The following HERC2 variants were observed in gnomAD, a reference collection of about 807,000 sequenced individuals.
HERC2 encodes HECT and RLD domain containing E3 ubiquitin protein ligase 2.
A neutral mutation model predicts 537.7 loss-of-function variants in HERC2; 102 were observed. That is an observed-to-expected ratio of 0.19 (90% CI 0.16 to 0.22). The LOEUF is 0.22. Among genes scored for constraint, HERC2 ranks in the 10% least tolerant of loss-of-function variants. The probability of loss-of-function intolerance (pLI) is 1.00; values close to 1 mark genes in which losing one functional copy is unlikely to be tolerated. For missense variants in HERC2, 4,236 were observed against 6,198.2 expected (o/e 0.68, Z 10.63); for synonymous variants, 2,224 against 2,466.2 (o/e 0.90, Z 2.91).
chr15:28,127,373 C>T (rs1021291278), intron 83 of HERC2, among the ~76,000 whole-genome samples: 14 of 152,116 alleles, frequency 9.2e-5, no homozygotes, highest in South Asian at 2.1e-4. Context: ...TGGTTATGCA[C>T]GGGGGGAGTG....
chr15:28,280,310 A>T, intron 4 of HERC2, 23 bp from the exon 5 acceptor site: 1 of 1,571,924 alleles, frequency 6.4e-7, no homozygotes. Context: ...ACAAGAAAAC[A>T]TCTCACCTGT....
chr15:28,255,908 C>T lies in HERC2; in HGVS notation c.2835G>A (p.Glu945=), dbSNP rs367705049. The change falls in exon 19 of 93, where the codon GAG becomes GAA. Residue 945 remains glutamate, a synonymous_variant. Transcript: ENST00000261609. ...VGSLMADGGL[E]SALHAAITAE... is the part of the protein sequence containing the mutation. ...CAGTAATGGCTGCGTGTAAGGCTGA[C>T]TCCAACCCTCCATCAGCCATCAAGC... 2 of 1,602,472 alleles carry T rather than the reference C, an allele frequency of 1.2e-6. No individual in the cohort carries two copies. The highest frequency in any genetic ancestry group is 2.7e-5 in the African/African-American group (2 of 74,904).
Position 28,111,785 on chromosome 15 carries a change from T to C in HERC2, c.14483A>G (p.Gln4828Arg). The part of the protein sequence containing the change: ...DVDSFASDST[Q>R]DYLTGH Reference sequence around the variant, plus strand: ...ATCTTAGTGTCCTGTTAAATAATCTTGTGTAGAGTCCGAAGCAAAGGAGTC... The same window carrying C: ...ATCTTAGTGTCCTGTTAAATAATCTCGTGTAGAGTCCGAAGCAAAGGAGTC... Residue 4828 changes from glutamine (Q) to arginine (R), a missense_variant, in exon 93 of 93, where the codon CAA (glutamine) becomes CGA (arginine). Gln to Arg is a conservative substitution (Grantham distance 43). This residue lies in a region of HERC2 where 313 missense variants were observed against 462.6 expected (regional missense o/e 0.68). Coordinates refer to ENST00000261609, the MANE Select transcript of HERC2 (RefSeq NM_004667.6). The C allele has an allele frequency of 6.2e-6, 10 of 1,614,202 alleles. No homozygotes were observed. Among genetic ancestry groups the C allele is most frequent in the Non-Finnish European group, 8.5e-6 (10 of 1,180,034 alleles).
chr15:28,199,346 T>A (rs1246246426), intron 48 of HERC2, among the ~76,000 whole-genome samples: 1 of 152,114 alleles, frequency 6.6e-6, no homozygotes, highest in Non-Finnish European at 1.5e-5. Flanking sequence ...GATTCCCTGA[T>A]CATCAAAAAC....
Position 28,215,653 on chromosome 15 carries a change from C to A in HERC2, c.6178G>T (p.Ala2060Ser), listed in dbSNP as rs558450056. The A allele has an allele frequency of 6.2e-7, 1 of 1,611,148 alleles. No homozygotes were observed. The change falls in exon 39 of 93, where the codon GCA becomes TCA. Residue 2060 changes from alanine to serine, a missense_variant. By Grantham distance (99) the Ala-to-Ser change is moderately conservative (BLOSUM62 1). Around this residue, in one of 27 missense-constraint regions of HERC2, gnomAD observed 365 missense variants for 468.8 expected, o/e 0.78. Coordinates refer to ENST00000261609, the MANE Select transcript of HERC2 (RefSeq NM_004667.6). ...TLLMKVVEGHAPFTATSLQRQ... is the reference protein window; with the variant it reads ...TLLMKVVEGHSPFTATSLQRQ... ...TGCAGCGAGGTGGCAGTGAAGGGTG[C>A]GTGCCCTTCCACGACCTTCATGAGC... is the stretch of plus-strand genomic sequence containing the variant.
chr15:28,256,328 A>G lies in HERC2; in HGVS notation c.2518-11T>C. ...AATGGCAGCATGCAACTGAAAGGAG[A>G]AAAACAATTTTCACTTAGAACCCCT... On this transcript the variant is annotated splice_polypyrimidine_tract_variant and intron_variant, in intron 17 of 92. Transcript: ENST00000261609. 1 of 1,567,014 alleles carries G rather than the reference A, an allele frequency of 6.4e-7. No individual in the cohort carries two copies. The highest frequency in any genetic ancestry group is 8.6e-7 in the Non-Finnish European group (1 of 1,160,806).
intron 20 of HERC2, among the ~76,000 whole-genome samples, chr15:28,252,319 G>T (rs543040777): frequency 6.6e-6 from 1 of 152,026 alleles, no homozygotes; most frequent in African/African-American, 2.4e-5. Flanking sequence ...AGGAGACGGG[G>T]AAAACGGGCA....
rs1289422740 is a variant in HERC2 at position 28,198,406 on chromosome 15, C to G, written c.7983G>C (p.Val2661=). 3 of 1,612,804 alleles carry G rather than the reference C, an allele frequency of 1.9e-6. No homozygotes were observed. The highest frequency in any genetic ancestry group is 2.5e-6 in the Non-Finnish European group (3 of 1,179,936). ...TCACAACCCCCACACTCTGATGAGT[C>G]ACAGATCCCCATTTGTATTTTGGTG... ...VTTPKYKWGS[V]THQSVGVVKA... is the part of the protein sequence containing the mutation. Residue 2661 remains valine (V), a synonymous_variant, in exon 50 of 93, where the codon GTG becomes GTC. Transcript: ENST00000261609.
chr15:28,175,026 C>T (rs1895123043), intron 64 of HERC2, among the ~76,000 whole-genome samples: 1 of 152,040 alleles, frequency 6.6e-6, no homozygotes, highest in African/African-American at 2.4e-5. Flanking sequence ...AAAATTCATT[C>T]TGACTAAAAT....
At chr15:28,229,907 T>A (rs996680191) in intron 31 of HERC2, 60 bp from the exon 32 acceptor site, 1 of 828,014 alleles carries the variant, frequency 1.2e-6, no homozygotes, top group African/African-American at 1.7e-5. Flanking sequence ...AACTGTGCTC[T>A]AAAAGTTATT....
intron 5 of HERC2, among the ~76,000 whole-genome samples, chr15:28,279,457 G>A (rs760986537): frequency 6.6e-6 from 1 of 152,144 alleles, no homozygotes; most frequent in Non-Finnish European, 1.5e-5. Context: ...TTATACTTGA[G>A]CTGATCTAAA....
rs771625587 is a variant in HERC2 at position 28,116,776 on chromosome 15, G to A, written c.13498C>T (p.Leu4500=). 1.2e-6 allele frequency: 2 copies of A among 1,614,062 alleles called. 1 individual carries two copies. The highest frequency in any genetic ancestry group is 2.2e-5 in the South Asian group (2 of 91,080). ...CEELQNGLTP[L]LIVTPNGRDE... is the part of the protein sequence containing the mutation. ...CTCCCGTTGGGTGTCACGATCAGCA[G>A]GGGCGTGAGTCCGTTCTGCAGCTCC... The change falls in exon 88 of 93, where the codon CTG becomes TTG. Residue 4500 remains leucine, a synonymous_variant. Transcript: ENST00000261609.
chr15:28,298,005 T>TTGTG (rs373425948), intron 3 of HERC2, among the ~76,000 whole-genome samples: 56 of 130,548 alleles, frequency 4.3e-4, no homozygotes, highest in Middle Eastern at 3.8e-3. Context: ...CTGTCAGTTA[T>TTGTG]TGTGTGTGTG....
At chr15:28,120,134 C>T (rs1888715542) in intron 86 of HERC2, among the ~76,000 whole-genome samples, 1 of 152,172 alleles carries the variant, frequency 6.6e-6, no homozygotes, top group Non-Finnish European at 1.5e-5. Flanking sequence ...CTGAAGCCAT[C>T]GTCCAAGGTA....
intron 3 of HERC2, among the ~76,000 whole-genome samples, chr15:28,293,903 G>A (rs2076390720): frequency 6.6e-6 from 1 of 152,204 alleles, no homozygotes; most frequent in Non-Finnish European, 1.5e-5. Context: ...TACACAGTAA[G>A]CGAAGAGAAG....
chr15:28,214,675 G>A lies in HERC2; in HGVS notation c.6338C>T (p.Ser2113Phe). 2 of 1,612,064 alleles carry A rather than the reference G, an allele frequency of 1.2e-6. No individual in the cohort carries two copies. The highest frequency in any genetic ancestry group is 1.7e-6 in the Non-Finnish European group (2 of 1,179,860). The change falls in exon 40 of 93, where the codon TCT (serine) becomes TTT (phenylalanine). Residue 2113 changes from serine (S) to phenylalanine (F), a missense_variant. Coordinates refer to ENST00000261609, the MANE Select transcript of HERC2 (RefSeq NM_004667.6). The part of the protein sequence containing the change: ...FLGSLLTTCS[S>F]DVPLLRESTL... ...CCCACCTCTGAGTAATGGCACGTCA[G>A]AGGAGCAGGTAGTGAGCAAGCTTCC...
intron 3 of HERC2, among the ~76,000 whole-genome samples, chr15:28,295,088 T>A (rs2076425637): frequency 6.6e-6 from 1 of 152,084 alleles, no homozygotes; most frequent in Admixed American, 6.6e-5. Flanking sequence ...CTTGTTAGAA[T>A]GGCTCAACTA....
In HERC2 at chr15:28,293,101, G is replaced by T; in HGVS notation, c.188-79C>A. 2.3e-6 allele frequency: 3 copies of T among 1,315,080 alleles called. No individual in the cohort carries two copies. Among genetic ancestry groups the T allele is most frequent in the Admixed American group, 2.2e-5 (1 of 45,700 alleles). The allele number at this position is 1,315,080 out of a possible 1,614,324, so 81.5% of individuals were successfully genotyped here. On this transcript the variant is annotated intron_variant, in intron 3 of 92. Transcript: ENST00000261609. Reference sequence around the variant, plus strand: ...TTAGTCTCTGCAAATGTCCCTCCCCGAAAAGTTACAACACACATCATTAAC... The same window carrying T: ...TTAGTCTCTGCAAATGTCCCTCCCCTAAAAGTTACAACACACATCATTAAC...
chr15:28,168,182 T>A (rs1466389971), intron 67 of HERC2, among the ~76,000 whole-genome samples: 2 of 152,178 alleles, frequency 1.3e-5, no homozygotes, highest in African/African-American at 4.8e-5. Flanking sequence ...GAATTGCAGA[T>A]AAAGGACTGT....
Sources: gnomAD v4.1 joint callset for allele counts (sites outside exome capture counted in the v4.1 genomes callset) on GRCh38, gnomAD v4.1.1 for gene constraint, gnomAD v4.1.1 regional missense constraint, MANE v1.5 for transcripts, NCBI Gene and HGNC (gene_info 2026-07-23, HGNC 2026-07-21) for gene names.